Variants in RCSD1 observed in about 807,000 individuals in gnomAD.
RCSD1 encodes the protein capZ-interacting protein.
Under a neutral mutation model 42.5 loss-of-function variants are expected in RCSD1, and 26 were observed. The ratio of observed to expected loss-of-function variants is 0.61; its 90% CI spans 0.45 to 0.85. The LOEUF (loss-of-function observed/expected upper bound fraction) is 0.85, where lower values mean the gene tolerates loss of function less well. RCSD1 is among the 40% of genes least tolerant of loss of function. The probability of loss-of-function intolerance (pLI) is 0.00; values close to 1 mark genes in which losing one functional copy is unlikely to be tolerated. For synonymous variants in RCSD1, 220 were observed against 212.2 expected (o/e 1.04, Z -0.32); for missense variants, 571 against 528.3 (o/e 1.08, Z -0.79).
In RCSD1 at chr1:167,708,102, T is replaced by G. The variant is rs939233721; in HGVS notation, c.*3406T>G. Among the ~76,000 whole-genome samples the G allele has an allele frequency of 2.0e-5, 3 of 152,218 alleles. No individual in the cohort carries two copies. Among genetic ancestry groups the G allele is most frequent in the African/African-American group, 7.2e-5 (3 of 41,464 alleles). Reference sequence around the variant, plus strand: ...CTGTAGAGGCTTTCCATAGGCCCTGTGTGACTCACGTGTCTATACCTGAAT... The same window carrying G: ...CTGTAGAGGCTTTCCATAGGCCCTGGGTGACTCACGTGTCTATACCTGAAT... On this transcript the variant is annotated 3_prime_UTR_variant, in exon 7 of 7. Transcript: ENST00000367854.
chr1:167,650,497 G>A lies in RCSD1; in HGVS notation c.6+20068G>A, dbSNP rs146595508. 1.8e-3 allele frequency among the ~76,000 whole-genome samples: 267 copies of A among 152,258 alleles called. 1 individual carries two copies. Among genetic ancestry groups the A allele is most frequent in the African/African-American group, 5.9e-3 (246 of 41,540 alleles). On this transcript the variant is annotated intron_variant, in intron 1 of 6. Coordinates refer to ENST00000367854, the MANE Select transcript of RCSD1 (RefSeq NM_052862.4). ...AAGCCACCAGCCAGGGGGTAGGCAG[G>A]ATTTCCTGACTCTCGAGTGTTTGGG...
At position 167,704,527 on chromosome 1, in the gene RCSD1, C is replaced by T. The variant is rs200467569; in HGVS notation, c.1219-137C>T. The T allele has an allele frequency of 3.8e-4, 280 of 728,344 alleles. 1 individual carries two copies. The African/African-American group carries it at 4.4e-3, about 11-fold the overall frequency. 45.1% of individuals were successfully genotyped at this position (728,344 alleles called of 1,614,324 possible). ...AAAAAAAACTAAGTTGGGCACATAG[C>T]ATTCTTATGACTATCATTCTTACTA... On this transcript the variant is annotated intron_variant, in intron 6 of 6. Transcript: ENST00000367854.
Position 167,697,247 on chromosome 1 carries a change from C to A in RCSD1, c.623C>A (p.Pro208Gln). The change falls in exon 6 of 7, where the codon CCA (proline) becomes CAA (glutamine). Residue 208 changes from proline (P) to glutamine (Q), a missense_variant. Coordinates refer to ENST00000367854, the MANE Select transcript of RCSD1 (RefSeq NM_052862.4). ...GAAGAGGATGGGGATGAAGTGTTGC[C>A]ATCCAAGAGCAAGGCCCCAGGATCC... ...AKEEDGDEVL[P>Q]SKSKAPGSPL... The A allele has an allele frequency of 6.2e-7, 1 of 1,614,128 alleles. No homozygotes were observed. Among genetic ancestry groups the A allele is most frequent in the South Asian group, 1.1e-5 (1 of 91,080 alleles).
chr1:167,692,987 A>C (rs979179394), intron 4 of RCSD1, among the ~76,000 whole-genome samples: 7 of 152,136 alleles, frequency 4.6e-5, no homozygotes, highest in Admixed American at 2.0e-4. Context: ...AGTCAGGCCA[A>C]AAGGTTTGGA....
intron 1 of RCSD1, among the ~76,000 whole-genome samples, chr1:167,637,487 G>A: frequency 6.6e-6 from 1 of 152,156 alleles, no homozygotes; most frequent in East Asian, 1.9e-4. Flanking sequence ...TTCCTGTGCT[G>A]GGGATTCCTC....
intron 5 of RCSD1, 108 bp from the exon 6 acceptor site, chr1:167,696,991 G>A (rs564281803): frequency 3.4e-5 from 34 of 993,522 alleles, no homozygotes; most frequent in Admixed American, 2.1e-4. Context: ...CGGTCCTTGC[G>A]TGGACTTGTG....
Position 167,691,824 on chromosome 1 carries a change from G to A in RCSD1, c.270+1704G>A, listed in dbSNP as rs148695663. Among the ~76,000 whole-genome samples, 149 of 152,302 alleles carry A rather than the reference G, an allele frequency of 9.8e-4. 1 individual carries two copies. Among genetic ancestry groups the A allele is most frequent in the African/African-American group, 3.5e-3 (145 of 41,556 alleles). ...GAAGCCCTGATTCCACCCGGCTGCA[G>A]GAATAGGGTGGTGCTACCTGTCACT... On this transcript the variant is annotated intron_variant, in intron 4 of 6. Coordinates refer to ENST00000367854, the MANE Select transcript of RCSD1 (RefSeq NM_052862.4).
At chr1:167,684,689 A>G (rs1659179547) in intron 2 of RCSD1, among the ~76,000 whole-genome samples, 1 of 152,054 alleles carries the variant, frequency 6.6e-6, no homozygotes, top group Admixed American at 6.6e-5. Flanking sequence ...AGCCTGACCA[A>G]CATGGAGAAA....
intron 1 of RCSD1, among the ~76,000 whole-genome samples, chr1:167,656,656 TG>T (rs1167597317): frequency 6.6e-6 from 1 of 152,164 alleles, no homozygotes; most frequent in Non-Finnish European, 1.5e-5. Context: ...TTCATTTGGA[TG>T]GGGACAGGAC....
intron 1 of RCSD1, among the ~76,000 whole-genome samples, chr1:167,637,730 CCACACACA>C (rs66925392): frequency 1.8e-4 from 26 of 146,832 alleles, no homozygotes; most frequent in East Asian, 8.2e-4. Flanking sequence ...TAGGAATAGA[CCACACACA>C]CACACACACA....
chr1:167,659,648 C>G (rs1443385139), intron 1 of RCSD1, among the ~76,000 whole-genome samples: 1 of 152,132 alleles, frequency 6.6e-6, no homozygotes, highest in Non-Finnish European at 1.5e-5. Context: ...GTGTCCATTC[C>G]CTGGCCAGAT....
At chr1:167,696,511 G>A (rs1055309506) in intron 5 of RCSD1, among the ~76,000 whole-genome samples, 2 of 151,140 alleles carry the variant, frequency 1.3e-5, no homozygotes, top group East Asian at 2.0e-4. Flanking sequence ...AAGTGCCATG[G>A]TGTGATGACA....
chr1:167,657,187 GT>G (rs1658442698), intron 1 of RCSD1, among the ~76,000 whole-genome samples: 1 of 152,174 alleles, frequency 6.6e-6, no homozygotes, highest in Admixed American at 6.5e-5. Context: ...TGTCCTGCTG[GT>G]TTTTTTCGAA....
intron 1 of RCSD1, among the ~76,000 whole-genome samples, chr1:167,671,774 A>G (rs549237201): frequency 6.6e-6 from 1 of 152,286 alleles, no homozygotes; most frequent in African/African-American, 2.4e-5. Context: ...CCCTCCAGTG[A>G]CCTCAGATGG....
intron 2 of RCSD1, among the ~76,000 whole-genome samples, chr1:167,684,730 C>T (rs542194229): frequency 3.9e-5 from 6 of 152,176 alleles, no homozygotes; most frequent in East Asian, 1.9e-4. Flanking sequence ...CAAAATTGGC[C>T]GGGCGTGGTG....
intron 5 of RCSD1, among the ~76,000 whole-genome samples, chr1:167,695,944 A>G (rs1659489328): frequency 6.6e-6 from 1 of 152,212 alleles, no homozygotes; most frequent in African/African-American, 2.4e-5. Context: ...TGAGAATCAC[A>G]TGCTTCCCAG....
At chr1:167,675,575 T>C (rs1276626849) in intron 1 of RCSD1, among the ~76,000 whole-genome samples, 1 of 152,116 alleles carries the variant, frequency 6.6e-6, no homozygotes, top group East Asian at 1.9e-4. Context: ...GACATGGACT[T>C]GATATTTTGG....
intron 6 of RCSD1, among the ~76,000 whole-genome samples, chr1:167,700,482 A>T (rs1023540339): frequency 1.3e-5 from 2 of 151,906 alleles, no homozygotes; most frequent in African/African-American, 4.8e-5. Flanking sequence ...CCCCGTCTCT[A>T]CTAAAAATAC....
At chr1:167,685,747 A>G (rs1478641614) in intron 3 of RCSD1, among the ~76,000 whole-genome samples, 4 of 152,254 alleles carry the variant, frequency 2.6e-5, no homozygotes, top group African/African-American at 9.6e-5. Flanking sequence ...CAAGGACACG[A>G]ACACTATTTT....
Sources: gnomAD v4.1 joint callset for allele counts (sites outside exome capture counted in the v4.1 genomes callset) on GRCh38, gnomAD v4.1.1 for gene constraint, MANE v1.5 for transcripts, NCBI Gene and HGNC (gene_info 2026-07-23, HGNC 2026-07-21) for gene names.